The following PRR23B variants were observed in gnomAD, a reference collection of about 807,000 sequenced individuals.
PRR23B encodes the protein proline rich 23B.
For missense variants in PRR23B, 375 were observed against 371.7 expected, an observed-to-expected ratio of 1.01 and a Z score of -0.07; for synonymous variants, 157 against 168.0, an observed-to-expected ratio of 0.93 and a Z score of 0.51.
rs1936925850 is a variant in PRR23B at position 139,019,781 on chromosome 3, T to C, written c.*83A>G. The C allele has an allele frequency of 7.2e-7, 1 of 1,391,310 alleles. No individual in the cohort carries two copies. Among genetic ancestry groups the C allele is most frequent in the Admixed American group, 2.4e-5 (1 of 41,026 alleles). The allele number at this position is 1,391,310 out of a possible 1,614,324, so 86.2% of individuals were successfully genotyped here. On this transcript the variant is annotated 3_prime_UTR_variant, in exon 1 of 1. Transcript: ENST00000329447. ...GGTGCCCAATTTCCAGGTTGTTGGA[T>C]ACTCAATGTGAGAGATTCCCGCAAT...
Position 139,020,020 on chromosome 3 carries a change from G to A in PRR23B, c.642C>T (p.Ile214=). The A allele has an allele frequency of 6.2e-7, 1 of 1,614,152 alleles. No homozygotes were observed. The highest frequency in any genetic ancestry group is 8.5e-7 in the Non-Finnish European group (1 of 1,180,028). The change falls in exon 1 of 1, where the codon ATC becomes ATT. Residue 214 remains isoleucine, a synonymous_variant. Coordinates refer to ENST00000329447, the MANE Select transcript of PRR23B (RefSeq NM_001013650.2). Reference sequence around the variant, plus strand: ...CCAGAAGGCGGAATTCCAGGTCAAAGATGGGGCGTGGAGAACGTCTCTCTG... The same window carrying A: ...CCAGAAGGCGGAATTCCAGGTCAAAAATGGGGCGTGGAGAACGTCTCTCTG... The part of the protein sequence containing the change: ...PSSERRSPRP[I]FDLEFRLLEP...
Position 139,019,239 on chromosome 3 carries a change from A to G in PRR23B, c.*625T>C, listed in dbSNP as rs1203080833. Reference sequence around the variant, plus strand: ...TTAACAAATTAAAAAAAAATACATAACACAATGCATGCTGAAAACATCTGA... The same window carrying G: ...TTAACAAATTAAAAAAAAATACATAGCACAATGCATGCTGAAAACATCTGA... On this transcript the variant is annotated 3_prime_UTR_variant, in exon 1 of 1. Transcript: ENST00000329447. The G allele has an allele frequency of 6.6e-6, 1 of 152,206 alleles. No individual in the cohort carries two copies. Among genetic ancestry groups the G allele is most frequent in the Non-Finnish European group, 1.5e-5 (1 of 68,042 alleles). 9.4% of individuals were successfully genotyped at this position (152,206 alleles called of 1,614,324 possible). A position where few individuals can be genotyped will look rare whatever the true frequency, so the allele number is the denominator to read the frequency against.
chr3:139,019,787 A>G lies in PRR23B; in HGVS notation c.*77T>C. The G allele has an allele frequency of 1.4e-6, 2 of 1,429,032 alleles. No individual in the cohort carries two copies. The highest frequency in any genetic ancestry group is 1.9e-6 in the Non-Finnish European group (2 of 1,059,152). The allele number at this position is 1,429,032 out of a possible 1,614,324, so 88.5% of individuals were successfully genotyped here. A position where few individuals can be genotyped will look rare whatever the true frequency, so the allele number is the denominator to read the frequency against. ...CAATTTCCAGGTTGTTGGATACTCA[A>G]TGTGAGAGATTCCCGCAATCCTAGA... On this transcript the variant is annotated 3_prime_UTR_variant, in exon 1 of 1. Coordinates refer to ENST00000329447, the MANE Select transcript of PRR23B (RefSeq NM_001013650.2).
Position 139,019,958 on chromosome 3 carries a change from G to A in PRR23B, c.704C>T (p.Pro235Leu). Reference sequence around the variant, plus strand: ...ACCTGGACTCCCCACGCACGGAGAGGGAGGTAGAGGTTGGAGAGGTGAGCT... The same window carrying A: ...ACCTGGACTCCCCACGCACGGAGAGAGAGGTAGAGGTTGGAGAGGTGAGCT... ...VPSSPLQPLP[P>L]SPCVGSPGPH... Residue 235 changes from proline (P) to leucine (L), a missense_variant, in exon 1 of 1, where the codon CCC becomes CTC. Coordinates refer to ENST00000329447, the MANE Select transcript of PRR23B (RefSeq NM_001013650.2). The A allele has an allele frequency of 6.2e-7, 1 of 1,614,118 alleles. No homozygotes were observed. The highest frequency in any genetic ancestry group is 8.5e-7 in the Non-Finnish European group (1 of 1,180,024).
rs1936938791 is a variant in PRR23B, at chr3:139,020,548, T to G, written c.114A>C (p.Glu38Asp). ...RLRLEEPAGPEPRAAPSLEDP... is the reference protein window; with the variant it reads ...RLRLEEPAGPDPRAAPSLEDP... ...CTTCCAGGCTGGGTGCCGCGCGGGG[T>G]TCGGGGCCCGCGGGCTCCTCCAATC... The change falls in exon 1 of 1, where the codon GAA (glutamate) becomes GAC (aspartate). Residue 38 changes from glutamate to aspartate, a missense_variant. Coordinates refer to ENST00000329447, the MANE Select transcript of PRR23B (RefSeq NM_001013650.2). The G allele has an allele frequency of 1.3e-6, 2 of 1,553,960 alleles. No homozygotes were observed. Among genetic ancestry groups the G allele is most frequent in the African/African-American group, 2.7e-5 (2 of 73,268 alleles).
At chr3:139,020,269 GAC>G in the PRR23B span, 1 of 1,614,072 alleles carries the variant, frequency 6.2e-7, no homozygotes, top group East Asian at 2.2e-5. Flanking sequence ...CGTCCTCCCT[GAC>G]AGCGCCCAGG....
In PRR23B at chr3:139,020,910, G is replaced by A. The variant is rs557192154; in HGVS notation, c.-249C>T. On this transcript the variant is annotated 5_prime_UTR_variant, in exon 1 of 1. Coordinates refer to ENST00000329447, the MANE Select transcript of PRR23B (RefSeq NM_001013650.2). Reference sequence around the variant, plus strand: ...TCAGCTTAGCTCGTTGGACCCTTGGGCCTTCCTGATGCAGACCCGGATGCG... The same window carrying A: ...TCAGCTTAGCTCGTTGGACCCTTGGACCTTCCTGATGCAGACCCGGATGCG... The A allele has an allele frequency of 3.0e-3, 1,569 of 526,946 alleles. 4 individuals are homozygous for A. Among genetic ancestry groups the A allele is most frequent in the Non-Finnish European group, 4.4e-3 (1,325 of 297,890 alleles). The allele number at this position is 526,946 out of a possible 1,614,324, so 32.6% of individuals were successfully genotyped here.
Position 139,020,689 on chromosome 3 carries a change from C to T in PRR23B, c.-28G>A, listed in dbSNP as rs1195668932. On this transcript the variant is annotated 5_prime_UTR_variant, in exon 1 of 1. Transcript: ENST00000329447. ...CCTCGACGGCGCTGTGGACGGCGCT[C>T]CTGGGCCTAGCAGCGGACGTGGGGA... 5 of 1,472,238 alleles carry T rather than the reference C, an allele frequency of 3.4e-6. No individual in the cohort carries two copies. Among genetic ancestry groups the T allele is most frequent in the East Asian group, 2.5e-5 (1 of 39,268 alleles). 91.2% of individuals were successfully genotyped at this position (1,472,238 alleles called of 1,614,324 possible). A position where few individuals can be genotyped will look rare whatever the true frequency, so the allele number is the denominator to read the frequency against.
Position 139,020,251 on chromosome 3 carries a change from G to C in PRR23B, c.411C>G (p.Val137=), listed in dbSNP as rs771282672. Residue 137 remains valine, a synonymous_variant, in exon 1 of 1, where the codon GTC becomes GTG. Transcript: ENST00000329447. ...FLGAVREDVV[V]ELEFCASVPE... ...GGACAGATGCGCAGAATTCCAGCTC[G>C]ACGACGACGTCCTCCCTGACAGCGC... 1 of 1,614,038 alleles carries C rather than the reference G, an allele frequency of 6.2e-7. No homozygotes were observed. The highest frequency in any genetic ancestry group is 2.2e-5 in the East Asian group (1 of 44,816).
At position 139,019,394 on chromosome 3, in the gene PRR23B, G is replaced by A. The variant is rs1427302011; in HGVS notation, c.*470C>T. ...CATACTATTTGGCAGTTTCCTTGGAGAGCAGTTGGAAAAACCCCAAGAAAA... is the reference window on the plus strand; with the variant it reads ...CATACTATTTGGCAGTTTCCTTGGAAAGCAGTTGGAAAAACCCCAAGAAAA... On this transcript the variant is annotated 3_prime_UTR_variant, in exon 1 of 1. Coordinates refer to ENST00000329447, the MANE Select transcript of PRR23B (RefSeq NM_001013650.2). 1 of 156,706 alleles carries A rather than the reference G, an allele frequency of 6.4e-6. No individual in the cohort carries two copies. Among genetic ancestry groups the A allele is most frequent in the African/African-American group, 2.4e-5 (1 of 41,486 alleles). The allele number at this position is 156,706 out of a possible 1,614,324, so 9.7% of individuals were successfully genotyped here. A position where few individuals can be genotyped will look rare whatever the true frequency, so the allele number is the denominator to read the frequency against.
Position 139,019,852 on chromosome 3 carries a change from G to A in PRR23B, c.*12C>T. On this transcript the variant is annotated 3_prime_UTR_variant, in exon 1 of 1. Coordinates refer to ENST00000329447, the MANE Select transcript of PRR23B (RefSeq NM_001013650.2). ...GCGGCCAGGATTGTTGTGTGTACGT[G>A]GGGGTGGGGGTCTATGCCTGGAACA... is the stretch of plus-strand genomic sequence containing the variant. 1 of 1,567,406 alleles carries A rather than the reference G, an allele frequency of 6.4e-7. No homozygotes were observed. Among genetic ancestry groups the A allele is most frequent in the East Asian group, 2.2e-5 (1 of 44,650 alleles).
At position 139,020,634 on chromosome 3, in the gene PRR23B, C is replaced by A; in HGVS notation, c.28G>T (p.Ala10Ser). MVSRPRSPS[A>S]FPAPWWGQQP... Reference sequence around the variant, plus strand: ...TGTCCCCACCAGGGAGCAGGGAAGGCGCTGGGGCTGCGGGGCCGGCTGACC... The same window carrying A: ...TGTCCCCACCAGGGAGCAGGGAAGGAGCTGGGGCTGCGGGGCCGGCTGACC... Residue 10 changes from alanine (A) to serine (S), a missense_variant, in exon 1 of 1, where the codon GCC becomes TCC. Transcript: ENST00000329447. 6.5e-7 allele frequency: 1 copy of A among 1,546,012 alleles called. No homozygotes were observed.
chr3:139,020,717 G>T lies in PRR23B; in HGVS notation c.-56C>A. The T allele has an allele frequency of 6.9e-7, 1 of 1,440,734 alleles. No homozygotes were observed. The highest frequency in any genetic ancestry group is 2.5e-4 in the Middle Eastern group (1 of 3,930). The allele number at this position is 1,440,734 out of a possible 1,614,324, so 89.2% of individuals were successfully genotyped here. ...GGGCCTAGCAGCGGACGTGGGGAGC[G>T]CGGCGGTGAAGTCCTCTTTGAAGTA... On this transcript the variant is annotated 5_prime_UTR_variant, in exon 1 of 1. Transcript: ENST00000329447.
rs961153608 is a variant in PRR23B, at chr3:139,019,156, A to G, written c.*708T>C. ...AAACTCAGGGTAGATTTTAAAAGGT[A>G]TAAAATAATGTGGAATAGCAGGAAT... On this transcript the variant is annotated 3_prime_UTR_variant, in exon 1 of 1. Coordinates refer to ENST00000329447, the MANE Select transcript of PRR23B (RefSeq NM_001013650.2). 1.3e-5 allele frequency: 2 copies of G among 152,212 alleles called. No individual in the cohort carries two copies. The highest frequency in any genetic ancestry group is 4.8e-5 in the African/African-American group (2 of 41,458). The allele number at this position is 152,212 out of a possible 1,614,324, so 9.4% of individuals were successfully genotyped here.
chr3:139,020,417 G>T lies in PRR23B; in HGVS notation c.245C>A (p.Pro82His). The change falls in exon 1 of 1, where the codon CCC (proline) becomes CAC (histidine). Residue 82 changes from proline (P) to histidine (H), a missense_variant. Transcript: ENST00000329447. ...CACTCGCAGGATCGACGTTGGTGCGGGCTCCAGCACCAGGTCGACGTCGTC... is the reference window on the plus strand; with the variant it reads ...CACTCGCAGGATCGACGTTGGTGCGTGCTCCAGCACCAGGTCGACGTCGTC... ...PLDDVDLVLE[P>H]APTSILRVSL... 1 of 1,613,714 alleles carries T rather than the reference G, an allele frequency of 6.2e-7. No homozygotes were observed. The highest frequency in any genetic ancestry group is 8.5e-7 in the Non-Finnish European group (1 of 1,179,946).
chr3:139,019,408 AC>A lies in PRR23B; in HGVS notation c.*455del, dbSNP rs1936921309. The stretch of plus-strand genomic sequence containing the variant: ...GTTTCCTTGGAGAGCAGTTGGAAAA[AC>A]CCCAAGAAAAGCCATGGCTAAGTCT... On this transcript the variant is annotated 3_prime_UTR_variant, in exon 1 of 1. Transcript: ENST00000329447. The A allele has an allele frequency of 6.4e-6, 1 of 156,822 alleles. No homozygotes were observed. Among genetic ancestry groups the A allele is most frequent in the South Asian group, 2.0e-4 (1 of 5,088 alleles). The allele number at this position is 156,822 out of a possible 1,614,324, so 9.7% of individuals were successfully genotyped here. A position where few individuals can be genotyped will look rare whatever the true frequency, so the allele number is the denominator to read the frequency against.
chr3:139,019,747 C>A lies in PRR23B; in HGVS notation c.*117G>T. 9.5e-7 allele frequency: 1 copy of A among 1,056,190 alleles called. No homozygotes were observed. 65.4% of individuals were successfully genotyped at this position (1,056,190 alleles called of 1,614,324 possible). ...AGTGTGCAGCGAAAAAGCAATTGTCCGAACACGCGGTGCCCAATTTCCAGG... is the reference window on the plus strand; with the variant it reads ...AGTGTGCAGCGAAAAAGCAATTGTCAGAACACGCGGTGCCCAATTTCCAGG... On this transcript the variant is annotated 3_prime_UTR_variant, in exon 1 of 1. Transcript: ENST00000329447.
In PRR23B at chr3:139,020,394, C is replaced by T; in HGVS notation, c.268G>A (p.Val90Met). ...LEPAPTSILRVSLGGHTLILI... is the reference protein window; with the variant it reads ...LEPAPTSILRMSLGGHTLILI... Reference sequence around the variant, plus strand: ...ATGAGGGTGTGTCCACCGAGAGACACTCGCAGGATCGACGTTGGTGCGGGC... The same window carrying T: ...ATGAGGGTGTGTCCACCGAGAGACATTCGCAGGATCGACGTTGGTGCGGGC... The change falls in exon 1 of 1, where the codon GTG (valine) becomes ATG (methionine). Residue 90 changes from valine (V) to methionine (M), a missense_variant. Physicochemically the swap from Val to Met is conservative, Grantham distance 21. Coordinates refer to ENST00000329447, the MANE Select transcript of PRR23B (RefSeq NM_001013650.2). 6.2e-7 allele frequency: 1 copy of T among 1,614,074 alleles called. No individual in the cohort carries two copies. The highest frequency in any genetic ancestry group is 8.5e-7 in the Non-Finnish European group (1 of 1,180,000).
chr3:139,020,875 G>GC lies in PRR23B; in HGVS notation c.-215dup, dbSNP rs1356535675. The GC allele has an allele frequency of 1.8e-5, 11 of 603,376 alleles. No homozygotes were observed. The allele number at this position is 603,376 out of a possible 1,614,324, so 37.4% of individuals were successfully genotyped here. Reference sequence around the variant, plus strand: ...CTGGGCTGCTGGTGGTGCCTCGCCGGCCACCGGGCTCAGCTTAGCTCGTTG... The same window carrying GC: ...CTGGGCTGCTGGTGGTGCCTCGCCGGCCCACCGGGCTCAGCTTAGCTCGTTG... On this transcript the variant is annotated 5_prime_UTR_variant, in exon 1 of 1. Transcript: ENST00000329447.
Sources: gnomAD v4.1 joint callset for allele counts on GRCh38, gnomAD v4.1.1 for gene constraint, MANE v1.5 for transcripts, NCBI Gene and HGNC (gene_info 2026-07-23, HGNC 2026-07-21) for gene names.